The following ZMYND11 variants were observed in gnomAD, a reference collection of about 807,000 sequenced individuals.
The protein encoded by ZMYND11 is zinc finger MYND domain-containing protein 11.
In ZMYND11, 9 loss-of-function variants were observed where a neutral mutation model predicts 84.9. The ratio of observed to expected loss-of-function variants is 0.11; its 90% CI spans 0.06 to 0.18. ZMYND11 has a LOEUF of 0.18. Among genes scored for constraint, ZMYND11 ranks in the 10% least tolerant of loss-of-function variants. The pLI is 1.00. For missense variants in ZMYND11, 409 were observed against 761.0 expected, an observed-to-expected ratio of 0.54 and a Z score of 5.44; for synonymous variants, 250 against 244.1, an observed-to-expected ratio of 1.02 and a Z score of -0.23.
intron 3 of ZMYND11, among the ~76,000 whole-genome samples, chr10:214,104 T>C (rs74332769): frequency 0.15 from 23,384 of 152,120 alleles, 2,304 homozygotes; most frequent in South Asian, 0.29. Context: ...GATGCTGATC[T>C]CAGCCACCGT....
intron 1 of ZMYND11, among the ~76,000 whole-genome samples, chr10:176,740 C>T (rs1284225516): frequency 6.6e-6 from 1 of 151,906 alleles, no homozygotes; most frequent in African/African-American, 2.4e-5. Context: ...AGGAGAAAAG[C>T]CTGGTCAGGG....
At chr10:233,868 G>T (rs1355467575) in intron 4 of ZMYND11, among the ~76,000 whole-genome samples, 1 of 152,214 alleles carries the variant, frequency 6.6e-6, no homozygotes. Context: ...AATGTTGCTT[G>T]CACATGGTGA....
At chr10:142,360 A>G (rs1307678055) in intron 1 of ZMYND11, among the ~76,000 whole-genome samples, 3 of 152,146 alleles carry the variant, frequency 2.0e-5, no homozygotes, top group Non-Finnish European at 4.4e-5. Context: ...CAAAGTGTTA[A>G]GATTAGAGGT....
intron 2 of ZMYND11, among the ~76,000 whole-genome samples, chr10:185,295 A>T (rs1480195581): frequency 6.6e-6 from 1 of 151,790 alleles, no homozygotes; most frequent in Non-Finnish European, 1.5e-5. Context: ...GCTCTCAGAG[A>T]TTTGTTCTCA....
chr10:195,426 A>T (rs563907319), intron 2 of ZMYND11, among the ~76,000 whole-genome samples: 2 of 152,262 alleles, frequency 1.3e-5, no homozygotes, highest in Admixed American at 6.5e-5. Context: ...TGGTGCCACC[A>T]TAATAGTGAT....
chr10:167,103 T>C (rs1844185316), intron 1 of ZMYND11, among the ~76,000 whole-genome samples: 1 of 152,058 alleles, frequency 6.6e-6, no homozygotes, highest in African/African-American at 2.4e-5. Context: ...AATGGGGAAG[T>C]ATTATTTAAT....
intron 2 of ZMYND11, among the ~76,000 whole-genome samples, chr10:205,456 G>C (rs1943953786): frequency 6.6e-6 from 1 of 152,114 alleles, no homozygotes; most frequent in Non-Finnish European, 1.5e-5. Flanking sequence ...TTGAGAGGCT[G>C]AGGTGGGAGG....
chr10:193,649 C>T (rs895619074), intron 2 of ZMYND11, among the ~76,000 whole-genome samples: 2 of 152,142 alleles, frequency 1.3e-5, no homozygotes, highest in Non-Finnish European at 2.9e-5. Context: ...TCTTTCCTTC[C>T]TCTGTAAACT....
intron 2 of ZMYND11, among the ~76,000 whole-genome samples, chr10:200,300 AT>A (rs1588893499): frequency 6.2e-5 from 2 of 32,348 alleles, no homozygotes; most frequent in East Asian, 1.9e-3. Context: ...TAAAATGTAT[AT>A]TATATATAAT....
chr10:192,902 T>C (rs1480737070), intron 2 of ZMYND11, among the ~76,000 whole-genome samples: 3 of 152,194 alleles, frequency 2.0e-5, no homozygotes, highest in Non-Finnish European at 2.9e-5. Flanking sequence ...TTTCTGTTGA[T>C]TTACACGGGG....
In ZMYND11 at chr10:227,085, A is replaced by G. The variant is rs1948268365; in HGVS notation, c.438+5729A>G. Among the ~76,000 whole-genome samples the G allele has an allele frequency of 2.0e-5, 3 of 152,218 alleles. No individual in the cohort carries two copies. In the South Asian group the frequency reaches 6.2e-4, roughly 32 times the overall value. On this transcript the variant is annotated intron_variant, in intron 4 of 14. Transcript: ENST00000381604. The stretch of plus-strand genomic sequence containing the variant: ...TTAACAAGATGTAGAAACACAAGAA[A>G]ATGCAGATGAGGAAATAAAGAAGAA...
At chr10:204,655 T>C (rs1275463776) in intron 2 of ZMYND11, among the ~76,000 whole-genome samples, 1 of 152,152 alleles carries the variant, frequency 6.6e-6, no homozygotes, top group Non-Finnish European at 1.5e-5. Context: ...CATCTTTGAA[T>C]ATTCTTGATT....
chr10:246,089 G>C (rs1412295614), intron 10 of ZMYND11, among the ~76,000 whole-genome samples: 2 of 152,140 alleles, frequency 1.3e-5, no homozygotes, highest in Non-Finnish European at 2.9e-5. Flanking sequence ...CCAGGAAAAA[G>C]TGTTCTTTCC....
chr10:210,630 A>C (rs1328410741), intron 3 of ZMYND11, among the ~76,000 whole-genome samples: 3 of 152,214 alleles, frequency 2.0e-5, no homozygotes, highest in Non-Finnish European at 4.4e-5. Flanking sequence ...GTTTTTACCT[A>C]GTTCTCACTT....
In ZMYND11 at chr10:142,954, G is replaced by A. The variant is rs572993292; in HGVS notation, c.-20+7395G>A. On this transcript the variant is annotated intron_variant, in intron 1 of 14. Transcript: ENST00000381604. ...GTTCAGGGGCAGGAGCACTGGAGGC[G>A]GGGCACCTGCAGGTCTTCATTTTAA... is the stretch of plus-strand genomic sequence containing the variant. Among the ~76,000 whole-genome samples the A allele has an allele frequency of 3.5e-3, 531 of 152,256 alleles. 3 individuals carry two copies. The highest frequency in any genetic ancestry group is 0.012 in the African/African-American group (508 of 41,552).
chr10:236,800 A>T, intron 4 of ZMYND11, 38 bp from the exon 5 acceptor site: 1 of 1,544,538 alleles, frequency 6.5e-7, no homozygotes, highest in Non-Finnish European at 8.9e-7. Context: ...AAGAATGATC[A>T]GATTTTGTAC....
intron 2 of ZMYND11, among the ~76,000 whole-genome samples, chr10:187,436 C>T (rs1038181486): frequency 4.6e-5 from 7 of 152,020 alleles, no homozygotes; most frequent in Admixed American, 2.0e-4. Flanking sequence ...AGATCGAGAC[C>T]ATCTTGGCTA....
At chr10:211,459 T>C (rs896861025) in intron 3 of ZMYND11, among the ~76,000 whole-genome samples, 71 of 152,164 alleles carry the variant, frequency 4.7e-4, no homozygotes, top group African/African-American at 1.7e-3. Flanking sequence ...GAGTTTATTT[T>C]CTTTTCTGGC....
intron 1 of ZMYND11, among the ~76,000 whole-genome samples, chr10:167,693 T>G (rs1332973966): frequency 6.6e-6 from 1 of 152,134 alleles, no homozygotes; most frequent in Admixed American, 6.6e-5. Context: ...TACAGCAGAT[T>G]GATTATCTTG....
Sources: gnomAD v4.1 joint callset for allele counts (sites outside exome capture counted in the v4.1 genomes callset) on GRCh38, gnomAD v4.1.1 for gene constraint, MANE v1.5 for transcripts, NCBI Gene and HGNC (gene_info 2026-07-23, HGNC 2026-07-21) for gene names.